The following AGBL1 variants were observed in gnomAD, a reference collection of about 807,000 sequenced individuals.
AGBL1 encodes AGBL carboxypeptidase 1.
Under a neutral mutation model 118.9 loss-of-function variants are expected in AGBL1, and 130 were observed. That is an observed-to-expected ratio of 1.09 (90% confidence interval 0.95 to 1.26). AGBL1 has a LOEUF of 1.26. Among genes scored for constraint, AGBL1 ranks in the 50% most tolerant of loss-of-function variants. The pLI is 0.00. For missense variants in AGBL1, 1,584 were observed against 1,298.1 expected, an observed-to-expected ratio of 1.22 and a Z score of -3.38; for synonymous variants, 555 against 478.9, an observed-to-expected ratio of 1.16 and a Z score of -2.08.
chr15:86,888,162 G>T (rs1422577984), intron 22 of AGBL1, among the ~76,000 whole-genome samples: 1 of 151,922 alleles, frequency 6.6e-6, no homozygotes, highest in African/African-American at 2.4e-5. Context: ...AGGGAAACGA[G>T]AACTACATGG....
rs541303414 is a variant in AGBL1, at chr15:86,937,082, G to A, written c.3222-50905G>A. On this transcript the variant is annotated intron_variant, in intron 23 of 24. Coordinates refer to the AGBL1 transcript ENST00000441037. ...CAATATCACTGATCATTAGAGAAATGCAAATGGAAACCACAATGAGATATC... is the reference window on the plus strand; with the variant it reads ...CAATATCACTGATCATTAGAGAAATACAAATGGAAACCACAATGAGATATC... Among the ~76,000 whole-genome samples, 5 of 152,282 alleles carry A rather than the reference G, an allele frequency of 3.3e-5. No individual in the cohort carries two copies. The East Asian group carries it at 9.7e-4, about 29-fold the overall frequency.
intron 18 of AGBL1, among the ~76,000 whole-genome samples, chr15:86,477,319 A>G (rs2082574572): frequency 6.6e-6 from 1 of 152,240 alleles, no homozygotes; most frequent in African/African-American, 2.4e-5. Context: ...GATCAACAAA[A>G]TTGATAGACT....
chr15:86,100,498 G>T (rs1160405250), intron 1 of AGBL1, among the ~76,000 whole-genome samples: 3 of 151,754 alleles, frequency 2.0e-5, no homozygotes, highest in Non-Finnish European at 2.9e-5. Context: ...GTCTTTTGAT[G>T]GGAGACTTTT....
chr15:87,021,143 A>AAGAAC (rs1410435107), intron 24 of AGBL1, among the ~76,000 whole-genome samples: 1 of 152,158 alleles, frequency 6.6e-6, no homozygotes, highest in Non-Finnish European at 1.5e-5. Flanking sequence ...GTACTGGTAA[A>AAGAAC]AGAACAGACA....
At chr15:86,278,141 T>G (rs182165883) in intron 15 of AGBL1, among the ~76,000 whole-genome samples, 18 of 152,316 alleles carry the variant, frequency 1.2e-4, no homozygotes, top group Admixed American at 1.3e-4. Flanking sequence ...CTTCAGAACT[T>G]TGGGGCAATC....
intron 6 of AGBL1, among the ~76,000 whole-genome samples, chr15:86,246,907 C>T (rs1051698692): frequency 1.3e-5 from 2 of 152,034 alleles, no homozygotes; most frequent in Middle Eastern, 3.2e-3. Flanking sequence ...ACCTCCGGGT[C>T]CACTGAAGTT....
intron 18 of AGBL1, among the ~76,000 whole-genome samples, chr15:86,399,830 T>C (rs1464462786): frequency 6.6e-6 from 1 of 152,188 alleles, no homozygotes; most frequent in Non-Finnish European, 1.5e-5. Context: ...TTTATCATCA[T>C]TACCATTATT....
intron 23 of AGBL1, among the ~76,000 whole-genome samples, chr15:86,976,202 A>T (rs145034899): frequency 0.04 from 6,018 of 150,126 alleles, 149 homozygotes; most frequent in Middle Eastern, 0.071. Context: ...TTATTTAAGA[A>T]ATTATAATTT....
chr15:86,969,511 G>C (rs1362369533), intron 23 of AGBL1, among the ~76,000 whole-genome samples: 1 of 151,806 alleles, frequency 6.6e-6, no homozygotes, highest in Non-Finnish European at 1.5e-5. Flanking sequence ...TCACCTTTAT[G>C]TATGCACATA....
chr15:86,395,148 G>T (rs538467152), intron 17 of AGBL1, among the ~76,000 whole-genome samples: 1 of 152,240 alleles, frequency 6.6e-6, no homozygotes, highest in East Asian at 1.9e-4. Flanking sequence ...TCTACAGGAT[G>T]AAGTCCAAAT....
intron 1 of AGBL1, among the ~76,000 whole-genome samples, chr15:86,082,484 G>T (rs895471211): frequency 2.6e-5 from 4 of 152,206 alleles, no homozygotes; most frequent in African/African-American, 9.6e-5. Context: ...GCCCCAAAAG[G>T]TTGCCAAGGG....
chr15:86,877,837 G>T (rs1233817317), intron 22 of AGBL1, among the ~76,000 whole-genome samples: 1 of 152,148 alleles, frequency 6.6e-6, no homozygotes, highest in Admixed American at 6.5e-5. Flanking sequence ...ATCTCATGAA[G>T]TGTGTTTACC....
chr15:86,979,215 G>T (rs1397408807), intron 23 of AGBL1, among the ~76,000 whole-genome samples: 2 of 152,256 alleles, frequency 1.3e-5, no homozygotes, highest in East Asian at 3.9e-4. Flanking sequence ...TATAAATCAT[G>T]AAGAATAAGC....
intron 5 of AGBL1, among the ~76,000 whole-genome samples, chr15:86,219,240 C>G (rs1380178159): frequency 6.6e-6 from 1 of 152,112 alleles, no homozygotes; most frequent in African/African-American, 2.4e-5. Context: ...CACTTGGTAC[C>G]CATTCCACCT....
chr15:86,460,249 C>T (rs1001020675), intron 18 of AGBL1, among the ~76,000 whole-genome samples: 5 of 120,608 alleles, frequency 4.1e-5, no homozygotes, highest in South Asian at 5.8e-4. Flanking sequence ...TGGGAGGCTG[C>T]GGTGGGAGGA....
chr15:86,592,093 A>G (rs531372227), intron 21 of AGBL1, among the ~76,000 whole-genome samples: 179 of 152,268 alleles, frequency 1.2e-3, no homozygotes, highest in African/African-American at 3.8e-3. Context: ...GGTCATCCCA[A>G]TATTGGTGAT....
intron 23 of AGBL1, among the ~76,000 whole-genome samples, chr15:86,937,233 A>T (rs943177907): frequency 1.3e-5 from 2 of 152,250 alleles, no homozygotes; most frequent in African/African-American, 2.4e-5. Context: ...CAATTGTGGA[A>T]AGCAGTATGG....
At chr15:86,387,557 G>A (rs1212194799) in intron 17 of AGBL1, among the ~76,000 whole-genome samples, 2 of 151,910 alleles carry the variant, frequency 1.3e-5, no homozygotes, top group Non-Finnish European at 2.9e-5. Flanking sequence ...AAGAGAGAGG[G>A]TGGGGCTTGA....
At chr15:86,324,956 AGGGT>A (rs2080164122) in intron 17 of AGBL1, among the ~76,000 whole-genome samples, 1 of 152,158 alleles carries the variant, frequency 6.6e-6, no homozygotes, top group Non-Finnish European at 1.5e-5. Flanking sequence ...AAAGGAGGTG[AGGGT>A]GACTGGACAA....
Sources: gnomAD v4.1 joint callset for allele counts (sites outside exome capture counted in the v4.1 genomes callset) on GRCh38, gnomAD v4.1.1 for gene constraint, MANE v1.5 for transcripts, NCBI Gene and HGNC (gene_info 2026-07-23, HGNC 2026-07-21) for gene names.